CDH17: variants seen among roughly 807,000 people sequenced by gnomAD.
CDH17 encodes the protein cadherin 17, also known as cadherin-17.
Under a neutral mutation model 86.3 loss-of-function variants are expected in CDH17, and 67 were observed. That is an observed-to-expected ratio of 0.78 (90% CI 0.64 to 0.95). CDH17 has a LOEUF of 0.95. Among genes scored for constraint, CDH17 ranks in the 40% least tolerant of loss-of-function variants. The pLI is 0.00. For synonymous variants in CDH17, 367 were observed against 366.4 expected (o/e 1.00, Z -0.02); for missense variants, 993 against 1,017.6 (o/e 0.98, Z 0.33).
Position 94,146,025 on chromosome 8 carries a change from AG to A in CDH17, c.2069del (p.Ala690ValfsTer54). 6.2e-7 allele frequency: 1 copy of A among 1,614,020 alleles called. No individual in the cohort carries two copies. The highest frequency in any genetic ancestry group is 1.3e-5 in the African/African-American group (1 of 75,052). On this transcript the variant is annotated frameshift_variant, in exon 15 of 18. Coordinates refer to ENST00000027335, the MANE Select transcript of CDH17 (RefSeq NM_004063.4). LOFTEE classifies it high-confidence loss of function. ...LSAPGSLIFE[A>X]TDDDQHLFRG... is the part of the protein sequence containing the mutation. ...GAAATAAGTGCTGATCATCATCAGT[AG>A]CCTCGAAAATGAGACTTCCAGGTGC... is the stretch of plus-strand genomic sequence containing the variant.
chr8:94,185,525 G>A (rs1234514274), intron 3 of CDH17, among the ~76,000 whole-genome samples: 2 of 152,176 alleles, frequency 1.3e-5, no homozygotes, highest in East Asian at 3.9e-4. Flanking sequence ...TTTGTCCGTT[G>A]TAAAGCTTGT....
intron 15 of CDH17, among the ~76,000 whole-genome samples, chr8:94,140,331 G>A (rs1812613936): frequency 6.6e-6 from 1 of 152,096 alleles, no homozygotes. Context: ...TTGGGAGGCT[G>A]AAGCAGGAGG....
chr8:94,133,001 T>C (rs147996396), intron 15 of CDH17, among the ~76,000 whole-genome samples: 2,180 of 152,190 alleles, frequency 0.014, 65 homozygotes, highest in African/African-American at 0.049. Context: ...ATTTCTGAGG[T>C]CTCTGTTCTG....
intron 15 of CDH17, among the ~76,000 whole-genome samples, chr8:94,140,978 AT>A (rs149260432): frequency 0.2 from 30,091 of 152,136 alleles, 3,501 homozygotes; most frequent in African/African-American, 0.3. Context: ...ACTTGTCCAG[AT>A]AATTGAAGAT....
At chr8:94,205,521 C>A (rs1040415802) in intron 1 of CDH17, among the ~76,000 whole-genome samples, 1 of 152,068 alleles carries the variant, frequency 6.6e-6, no homozygotes, top group Non-Finnish European at 1.5e-5. Flanking sequence ...TGACCCAAGG[C>A]AGGAATTTTA....
chr8:94,200,448 C>T (rs1036467315), intron 1 of CDH17, among the ~76,000 whole-genome samples: 2 of 146,502 alleles, frequency 1.4e-5, no homozygotes, highest in Non-Finnish European at 3.0e-5. Context: ...GATACAAGGA[C>T]TAAATTCAGA....
chr8:94,154,174 T>G (rs997787684), intron 12 of CDH17, among the ~76,000 whole-genome samples: 6 of 152,212 alleles, frequency 3.9e-5, no homozygotes, highest in African/African-American at 1.4e-4. Context: ...CAAACTTTCA[T>G]AGCAGTGGTT....
intron 1 of CDH17, among the ~76,000 whole-genome samples, chr8:94,207,766 G>C (rs909165556): frequency 1.3e-5 from 2 of 152,136 alleles, no homozygotes; most frequent in African/African-American, 4.8e-5. Context: ...AAAAGACCAA[G>C]ACAGAGGCAA....
chr8:94,130,960 C>G lies in CDH17; in HGVS notation c.2200G>C (p.Glu734Gln). 1.2e-6 allele frequency: 2 copies of G among 1,605,342 alleles called. No homozygotes were observed. The highest frequency in any genetic ancestry group is 1.1e-5 in the South Asian group (1 of 90,894). The change falls in exon 16 of 18, where the codon GAG becomes CAG. Residue 734 changes from glutamate to glutamine, a missense_variant. Coordinates refer to ENST00000027335, the MANE Select transcript of CDH17 (RefSeq NM_004063.4). ...ACGACATACTCCCTCTCCTCAAACT[C>G]TGTGTGCCTGGTAGACAGTCGGGCA... ...THARLSTRHT[E>Q]FEEREYVVLI...
intron 15 of CDH17, among the ~76,000 whole-genome samples, chr8:94,141,354 A>G (rs1419991981): frequency 3.3e-5 from 5 of 151,996 alleles, no homozygotes; most frequent in Non-Finnish European, 7.4e-5. Flanking sequence ...ACCTACAGCT[A>G]ACATCATATT....
chr8:94,131,902 C>T (rs181773206), intron 15 of CDH17, among the ~76,000 whole-genome samples: 27 of 152,232 alleles, frequency 1.8e-4, no homozygotes, highest in Admixed American at 1.6e-3. Context: ...TGTTCAATTC[C>T]CACCTATGAG....
At chr8:94,145,825 A>C (rs1812729824) in intron 15 of CDH17, 103 bp downstream of exon 15, 1 of 1,276,066 alleles carries the variant, frequency 7.8e-7, no homozygotes, top group Non-Finnish European at 1.1e-6. Flanking sequence ...TTCCTGAAGC[A>C]TGAAAGAAAG....
chr8:94,193,514 G>T (rs1192063058), intron 2 of CDH17, among the ~76,000 whole-genome samples: 1 of 152,158 alleles, frequency 6.6e-6, no homozygotes, highest in African/African-American at 2.4e-5. Context: ...CCACTTCACA[G>T]GGCAGAAAAC....
intron 13 of CDH17, among the ~76,000 whole-genome samples, chr8:94,149,771 C>A (rs1258668534): frequency 6.6e-6 from 1 of 152,104 alleles, no homozygotes; most frequent in African/African-American, 2.4e-5. Context: ...AGAAGGTGAC[C>A]TGGCCATATT....
chr8:94,134,242 C>G lies in CDH17; in HGVS notation c.2168-3250G>C, dbSNP rs185693301. ...TTCAGAAGGAATGATACCAGCTCTT[C>G]TTGTACCTCTGGTAGAATTCAGCTG... On this transcript the variant is annotated intron_variant, in intron 15 of 17. Transcript: ENST00000027335. Among the ~76,000 whole-genome samples, 607 of 152,262 alleles carry G rather than the reference C, an allele frequency of 4.0e-3. 2 individuals are homozygous for G. Among genetic ancestry groups the G allele is most frequent in the African/African-American group, 0.013 (539 of 41,564 alleles).
chr8:94,136,040 C>T (rs201296306), intron 15 of CDH17, among the ~76,000 whole-genome samples: 1 of 152,190 alleles, frequency 6.6e-6, no homozygotes. Flanking sequence ...GTCTGATGGG[C>T]TTCCCTTTGT....
intron 2 of CDH17, 108 bp downstream of exon 2, chr8:94,194,527 G>C (rs1813743423): frequency 2.7e-6 from 2 of 752,498 alleles, no homozygotes; most frequent in South Asian, 1.6e-5. Context: ...AATTTTGATA[G>C]GTCATCTTTT....
intron 1 of CDH17, among the ~76,000 whole-genome samples, chr8:94,204,909 C>G (rs190855393): frequency 2.0e-5 from 3 of 152,178 alleles, no homozygotes. Flanking sequence ...CTAGGGACAA[C>G]AGTGACTGTC....
intron 15 of CDH17, 64 bp downstream of exon 15, chr8:94,145,864 A>G: frequency 6.5e-7 from 1 of 1,534,190 alleles, no homozygotes; most frequent in Middle Eastern, 1.7e-4. Flanking sequence ...AAACCCACCA[A>G]GTTAAATAAA....
Sources: allele counts gnomAD v4.1 joint callset (sites outside exome capture counted in the v4.1 genomes callset), GRCh38; gene constraint gnomAD v4.1.1; transcripts MANE v1.5; gene names NCBI Gene and HGNC (gene_info 2026-07-23, HGNC 2026-07-21).